The following HDAC9 variants were observed in gnomAD, a reference collection of about 807,000 sequenced individuals.
HDAC9 encodes the protein histone deacetylase 9.
In HDAC9, 41 loss-of-function variants were observed where a neutral mutation model predicts 139.4. The observed-to-expected ratio is 0.29, with a 90% CI of 0.23 to 0.38. The LOEUF is 0.38. Among genes scored for constraint, HDAC9 ranks in the 10% least tolerant of loss-of-function variants. HDAC9 has a pLI of 1.00. For synonymous variants in HDAC9, 517 were observed against 476.2 expected (o/e 1.09, Z -1.12); for missense variants, 1,147 against 1,297.0 (o/e 0.88, Z 1.78).
chr7:18,540,846 A>G (rs1428949139), intron 2 of HDAC9, among the ~76,000 whole-genome samples: 1 of 152,242 alleles, frequency 6.6e-6, no homozygotes, highest in Non-Finnish European at 1.5e-5. Context: ...AGCATTTAGC[A>G]TAAGTAAAAC....
At chr7:18,164,303 TA>T (rs1197965320) in intron 2 of HDAC9, among the ~76,000 whole-genome samples, 2 of 151,880 alleles carry the variant, frequency 1.3e-5, no homozygotes, top group African/African-American at 4.8e-5. Context: ...GCCACAAACA[TA>T]AAAAAAAATT....
At chr7:18,184,689 C>T (rs573842929) in intron 2 of HDAC9, among the ~76,000 whole-genome samples, 2 of 152,264 alleles carry the variant, frequency 1.3e-5, no homozygotes, top group Non-Finnish European at 2.9e-5. Flanking sequence ...ATCAAATGTT[C>T]TATGCTTGTC....
intron 1 of HDAC9, among the ~76,000 whole-genome samples, chr7:18,370,862 G>C (rs980669759): frequency 6.6e-6 from 1 of 152,160 alleles, no homozygotes; most frequent in African/African-American, 2.4e-5. Flanking sequence ...AAATATTGCA[G>C]AGTTTCCGTA....
chr7:18,682,431 A>G (rs1190680954), intron 12 of HDAC9, among the ~76,000 whole-genome samples: 1 of 152,004 alleles, frequency 6.6e-6, no homozygotes, highest in Admixed American at 6.6e-5. Context: ...TTCTGAGGGT[A>G]CACACATGCC....
At chr7:18,326,365 T>C (rs1800445084) in intron 1 of HDAC9, among the ~76,000 whole-genome samples, 1 of 152,062 alleles carries the variant, frequency 6.6e-6, no homozygotes, top group Admixed American at 6.6e-5. Context: ...TACAATTTGT[T>C]TGGGGCAAAA....
chr7:18,758,609 T>C (rs1789091947), intron 14 of HDAC9, among the ~76,000 whole-genome samples: 1 of 152,194 alleles, frequency 6.6e-6, no homozygotes, highest in Non-Finnish European at 1.5e-5. Flanking sequence ...ATTTAAGGCA[T>C]TTATACAAGT....
chr7:18,415,009 C>G (rs1308648838), intron 1 of HDAC9, among the ~76,000 whole-genome samples: 1 of 152,098 alleles, frequency 6.6e-6, no homozygotes, highest in Non-Finnish European at 1.5e-5. Flanking sequence ...TTTGTTAGTT[C>G]CTCACCCTTC....
chr7:18,648,028 AT>A, intron 10 of HDAC9, 30 bp downstream of exon 10: 1 of 1,513,156 alleles, frequency 6.6e-7, no homozygotes, highest in Non-Finnish European at 9.0e-7. Context: ...TTTGCAGGTC[AT>A]TTTAGGGTTT....
intron 1 of HDAC9, among the ~76,000 whole-genome samples, chr7:18,454,144 G>T (rs962532189): frequency 6.6e-6 from 1 of 152,070 alleles, no homozygotes; most frequent in East Asian, 1.9e-4. Flanking sequence ...TAACAAAAAA[G>T]ATCTAGGAAT....
intron 13 of HDAC9, among the ~76,000 whole-genome samples, chr7:18,730,457 T>C (rs1785945882): frequency 6.6e-6 from 1 of 152,232 alleles, no homozygotes. Flanking sequence ...GTTGCAGACA[T>C]GTTAAACAAT....
intron 11 of HDAC9, among the ~76,000 whole-genome samples, chr7:18,649,331 A>G (rs953723595): frequency 2.0e-5 from 3 of 152,168 alleles, no homozygotes; most frequent in African/African-American, 7.2e-5. Context: ...AGGATTTTCT[A>G]TGAATTCGTA....
At chr7:18,652,395 T>C (rs1014209622) in intron 11 of HDAC9, among the ~76,000 whole-genome samples, 1 of 152,262 alleles carries the variant, frequency 6.6e-6, no homozygotes, top group Non-Finnish European at 1.5e-5. Context: ...GGATTTTTTT[T>C]CTGGTGAAAT....
intron 2 of HDAC9, among the ~76,000 whole-genome samples, chr7:18,257,401 C>CCACACACACACACA (rs773964606): frequency 8.4e-5 from 11 of 130,956 alleles, no homozygotes; most frequent in African/African-American, 3.2e-4. Context: ...TCTGTCTCTC[C>CCACACACACACACA]CACACACACA....
At chr7:18,247,245 G>A (rs927712188) in intron 2 of HDAC9, among the ~76,000 whole-genome samples, 85 of 152,050 alleles carry the variant, frequency 5.6e-4, no homozygotes, top group African/African-American at 2.0e-3. Context: ...CTATGAGAAT[G>A]GGGGAAATCG....
chr7:18,148,845 A>G (rs2860074), intron 1 of HDAC9, among the ~76,000 whole-genome samples: 21,516 of 152,106 alleles, frequency 0.14, 2,858 homozygotes, highest in African/African-American at 0.35. Context: ...AGGTCATTTT[A>G]TTAGCAACCT....
chr7:18,147,424 A>T (rs559360389), intron 1 of HDAC9, among the ~76,000 whole-genome samples: 156 of 152,284 alleles, frequency 1.0e-3, no homozygotes, highest in Non-Finnish European at 1.7e-3. Context: ...GTTAATAGGG[A>T]TACTTTCTTG....
intron 1 of HDAC9, among the ~76,000 whole-genome samples, chr7:18,476,602 G>C (rs1015947435): frequency 2.0e-5 from 3 of 152,016 alleles, no homozygotes; most frequent in Non-Finnish European, 2.9e-5. Flanking sequence ...TTTAAGGCCT[G>C]AAGCATTAGT....
chr7:18,988,561 T>C (rs931220467), intron 25 of HDAC9, among the ~76,000 whole-genome samples: 1 of 152,124 alleles, frequency 6.6e-6, no homozygotes, highest in Non-Finnish European at 1.5e-5. Context: ...TGGAGAGTTC[T>C]GTAGATGTCT....
At chr7:18,371,783 A>T (rs1179137935) in intron 1 of HDAC9, among the ~76,000 whole-genome samples, 2 of 152,130 alleles carry the variant, frequency 1.3e-5, no homozygotes, top group African/African-American at 4.8e-5. Context: ...ATTTCCACTG[A>T]TATGATGCTG....
Sources: allele counts gnomAD v4.1 joint callset (sites outside exome capture counted in the v4.1 genomes callset), GRCh38; gene constraint gnomAD v4.1.1; transcripts MANE v1.5; gene names NCBI Gene and HGNC (gene_info 2026-07-23, HGNC 2026-07-21).